The following PRR16 variants were observed in gnomAD, a reference collection of about 807,000 sequenced individuals.
PRR16 encodes the protein protein Largen.
In PRR16, 6 loss-of-function variants were observed where a neutral mutation model predicts 18.2. The observed-to-expected ratio is 0.33, with a 90% confidence interval of 0.18 to 0.65. PRR16 has a LOEUF of 0.65. Among genes scored for constraint, PRR16 ranks in the 30% least tolerant of loss-of-function variants. PRR16 has a pLI of 0.74. For synonymous variants in PRR16, 151 were observed against 147.8 expected, an observed-to-expected ratio of 1.02 and a Z score of -0.16; for missense variants, 412 against 376.6, an observed-to-expected ratio of 1.09 and a Z score of -0.78.
At chr5:120,649,362 A>G (rs1296312239) in intron 1 of PRR16, among the ~76,000 whole-genome samples, 2 of 152,162 alleles carry the variant, frequency 1.3e-5, no homozygotes, top group African/African-American at 2.4e-5. Context: ...AAGGAAGCCC[A>G]CATGATTCAC....
chr5:120,718,164 C>G, the PRR16 span, among the ~76,000 whole-genome samples: 1 of 151,950 alleles, frequency 6.6e-6, no homozygotes, highest in African/African-American at 2.4e-5. Context: ...AAAATTTTCC[C>G]GTCTAATGTT....
the PRR16 span, among the ~76,000 whole-genome samples, chr5:120,700,631 C>T: frequency 6.6e-6 from 1 of 151,696 alleles, no homozygotes; most frequent in Non-Finnish European, 1.5e-5. Context: ...CAAGTTGGCA[C>T]CAGAGTTGGG....
At chr5:120,486,474 T>C (rs1749804282) in intron 1 of PRR16, among the ~76,000 whole-genome samples, 1 of 151,600 alleles carries the variant, frequency 6.6e-6, no homozygotes, top group Admixed American at 6.6e-5. Flanking sequence ...GTTCATGTCC[T>C]TCGCCCACTT....
At chr5:120,746,881 C>A in the PRR16 span, among the ~76,000 whole-genome samples, 2 of 152,068 alleles carry the variant, frequency 1.3e-5, no homozygotes, top group African/African-American at 4.8e-5. Flanking sequence ...TCGGGAGTCA[C>A]AGGAGAAATT....
chr5:120,492,255 AGTGTGT>A (rs3991307), intron 1 of PRR16, among the ~76,000 whole-genome samples: 23,022 of 137,882 alleles, frequency 0.17, 1,767 homozygotes, highest in Non-Finnish European at 0.19. Context: ...CGCTAATTTG[AGTGTGT>A]GTGTGTGTGT....
At chr5:120,491,849 A>G (rs1321996941) in intron 1 of PRR16, among the ~76,000 whole-genome samples, 1 of 152,040 alleles carries the variant, frequency 6.6e-6, no homozygotes, top group African/African-American at 2.4e-5. Flanking sequence ...CAGCTGACAT[A>G]CACTTTTTCT....
chr5:120,626,242 A>G (rs1754860032), intron 1 of PRR16, among the ~76,000 whole-genome samples: 1 of 152,190 alleles, frequency 6.6e-6, no homozygotes, highest in African/African-American at 2.4e-5. Flanking sequence ...ATTAAAAAAT[A>G]TGATATACCT....
chr5:120,614,171 A>G lies in PRR16; in HGVS notation c.160-71783A>G, dbSNP rs139680714. On this transcript the variant is annotated intron_variant, in intron 1 of 1. Transcript: ENST00000407149. ...CACGTGAGACATGTTTTAAAAATAT[A>G]TGTCATTGAGCATAAAGGAAACAAG... Among the ~76,000 whole-genome samples, 164 of 152,346 alleles carry G rather than the reference A, an allele frequency of 1.1e-3. 2 individuals carry two copies. Among genetic ancestry groups the G allele is most frequent in the Middle Eastern group, 0.01 (3 of 294 alleles).
chr5:120,791,601 ATCT>A, the PRR16 span, among the ~76,000 whole-genome samples: 148 of 71,412 alleles, frequency 2.1e-3, no homozygotes, highest in Non-Finnish European at 4.0e-3. Context: ...CTATCTATCT[ATCT>A]ATCTATCTAT....
the PRR16 span, among the ~76,000 whole-genome samples, chr5:120,733,377 T>G: frequency 6.6e-6 from 1 of 152,130 alleles, no homozygotes; most frequent in Admixed American, 6.5e-5. Context: ...CTTGAACTCC[T>G]GGCCTCAAGA....
chr5:120,573,858 G>A (rs552536761), intron 1 of PRR16, among the ~76,000 whole-genome samples: 6 of 150,640 alleles, frequency 4.0e-5, no homozygotes, highest in South Asian at 4.2e-4. Context: ...GTATAAAGGC[G>A]AATTTATATG....
the PRR16 span, among the ~76,000 whole-genome samples, chr5:120,785,129 GAAT>G: frequency 6.6e-6 from 1 of 152,198 alleles, no homozygotes; most frequent in African/African-American, 2.4e-5. Flanking sequence ...GGCTTCATTA[GAAT>G]AATACAAATA....
intron 1 of PRR16, among the ~76,000 whole-genome samples, chr5:120,595,063 G>A (rs1039788212): frequency 2.0e-5 from 3 of 151,272 alleles, no homozygotes; most frequent in Non-Finnish European, 4.4e-5. Context: ...GCATCATGAC[G>A]AAGGACCAAG....
the PRR16 span, among the ~76,000 whole-genome samples, chr5:120,783,255 G>T: frequency 6.6e-5 from 10 of 152,244 alleles, no homozygotes; most frequent in African/African-American, 2.2e-4. Context: ...AGTTTGCGAA[G>T]CATGAAATGA....
At chr5:120,667,034 G>C (rs907205858) in intron 1 of PRR16, among the ~76,000 whole-genome samples, 1 of 151,168 alleles carries the variant, frequency 6.6e-6, no homozygotes, top group Non-Finnish European at 1.5e-5. Context: ...AGAAGGAATG[G>C]TACCAGCTCC....
the PRR16 span, among the ~76,000 whole-genome samples, chr5:120,778,974 A>C: frequency 1.3e-5 from 2 of 152,308 alleles, no homozygotes. Context: ...TGTTTAAACA[A>C]GGAGGAGGGA....
rs140520246 is a variant in PRR16 at position 120,571,092 on chromosome 5, G to A, written c.159+106447G>A. On this transcript the variant is annotated intron_variant, in intron 1 of 1. Transcript: ENST00000407149. ...GCATTTGAGCAGAGGATGGAGGGAAGTAATAAGCCATGTTTTAAAAATGTG... is the reference window on the plus strand; with the variant it reads ...GCATTTGAGCAGAGGATGGAGGGAAATAATAAGCCATGTTTTAAAAATGTG... Among the ~76,000 whole-genome samples the A allele has an allele frequency of 8.8e-3, 1,345 of 152,216 alleles. 11 individuals carry two copies. Among genetic ancestry groups the A allele is most frequent in the Non-Finnish European group, 0.013 (888 of 68,014 alleles).
the PRR16 span, among the ~76,000 whole-genome samples, chr5:120,712,220 G>C: frequency 1.3e-5 from 2 of 152,054 alleles, no homozygotes; most frequent in Admixed American, 6.6e-5. Context: ...TGCGTGGTAA[G>C]AGAACTTAAA....
intron 1 of PRR16, among the ~76,000 whole-genome samples, chr5:120,651,789 T>C (rs1393081541): frequency 6.6e-6 from 1 of 152,168 alleles, no homozygotes; most frequent in Non-Finnish European, 1.5e-5. Flanking sequence ...TTCTTTTGGC[T>C]TAGGATTGAC....
Sources: allele counts gnomAD v4.1 joint callset (sites outside exome capture counted in the v4.1 genomes callset), GRCh38; gene constraint gnomAD v4.1.1; transcripts MANE v1.5; gene names NCBI Gene and HGNC (gene_info 2026-07-23, HGNC 2026-07-21).